The following PPP1R18 variants were observed in gnomAD, a reference collection of about 807,000 sequenced individuals.
PPP1R18 encodes protein phosphatase 1 regulatory subunit 18.
In PPP1R18, 31 loss-of-function variants were observed where a neutral mutation model predicts 54.8. That is an observed-to-expected ratio of 0.57 (90% CI 0.43 to 0.76). The LOEUF is 0.76. PPP1R18 is among the 30% of genes least tolerant of loss of function. The pLI is 0.00. For missense variants in PPP1R18, 685 were observed against 776.1 expected (o/e 0.88, Z 1.39); for synonymous variants, 310 against 320.2 (o/e 0.97, Z 0.34).
intron 1 of PPP1R18, among the ~76,000 whole-genome samples, chr6:30,680,365 A>G (rs1010176436): frequency 6.6e-6 from 1 of 152,134 alleles, no homozygotes; most frequent in African/African-American, 2.4e-5. Context: ...CAGCAGGAGG[A>G]TTCCATATGA....
upstream of PPP1R18, chr6:30,688,278 T>C: frequency 4.3e-6 from 1 of 235,148 alleles, no homozygotes; most frequent in Non-Finnish European, 8.4e-6. This position sits in a 1 kb window ranked among gnomAD's most constrained non-coding sequence, Gnocchi z 5.9. Context: ...TCCACCTTCT[T>C]GGAGTGGAAG....
At chr6:30,686,765 G>C (rs1770988793), upstream of PPP1R18, 1 of 148,398 alleles carries the variant, frequency 6.7e-6, no homozygotes, top group African/African-American at 2.5e-5. Context: ...CCACCCCCGA[G>C]ACTTTCGGAA....
chr6:30,684,428 G>C lies in PPP1R18; in HGVS notation c.1591C>G (p.Pro531Ala). The change falls in exon 1 of 3, where the codon CCC becomes GCC. Residue 531 changes from proline to alanine, a missense_variant. Transcript: ENST00000274853. The surrounding 1 kb of genome is among the most constrained non-coding windows in gnomAD (Gnocchi z 6.0). ...LSRSCLAKGS[P>A]ERHHKQLKIS... ...CCTACCTGTTTGTGGTGTCTTTCGGGGGACCCCTTGGCAAGGCAGCTGCGG... is the reference window on the plus strand; with the variant it reads ...CCTACCTGTTTGTGGTGTCTTTCGGCGGACCCCTTGGCAAGGCAGCTGCGG... 6.3e-7 allele frequency: 1 copy of C among 1,578,782 alleles called. No individual in the cohort carries two copies. Among genetic ancestry groups the C allele is most frequent in the Non-Finnish European group, 8.6e-7 (1 of 1,159,956 alleles).
chr6:30,676,976 C>T lies in PPP1R18; in HGVS notation c.*293G>A. ...ACCCTGCCATGGGGGGCAGGTGCTC[C>T]ATCTCCACCCTCCAGGGAGTTCTGT... On this transcript the variant is annotated 3_prime_UTR_variant, in exon 3 of 3. Coordinates refer to ENST00000274853, the MANE Select transcript of PPP1R18 (RefSeq NM_133471.4). 1 of 565,674 alleles carries T rather than the reference C, an allele frequency of 1.8e-6. No individual in the cohort carries two copies. The highest frequency in any genetic ancestry group is 2.0e-5 in the South Asian group (1 of 49,398). The allele number at this position is 565,674 out of a possible 1,614,324, so 35.0% of individuals were successfully genotyped here. A position where few individuals can be genotyped will look rare whatever the true frequency, so the allele number is the denominator to read the frequency against.
chr6:30,687,669 CTTTGT>C (rs1304504392), upstream of PPP1R18: 1 of 152,490 alleles, frequency 6.6e-6, no homozygotes. This position sits in a 1 kb window ranked among gnomAD's most constrained non-coding sequence, Gnocchi z 7.9. Context: ...CTCTGAAGTC[CTTTGT>C]TTTGCGGGGT....
In PPP1R18 at chr6:30,685,362, C is replaced by T. The variant is rs1770839775; in HGVS notation, c.657G>A (p.Val219=). ...ATTCCCCTGGGCTCAGTCTACTTTCCACCTCTTTTCTCCTGGGGCTTTGCT... is the reference window on the plus strand; with the variant it reads ...ATTCCCCTGGGCTCAGTCTACTTTCTACCTCTTTTCTCCTGGGGCTTTGCT... ...SREQSPRRKE[V]ESRLSPGESA... The change falls in exon 1 of 3, where the codon GTG becomes GTA. Residue 219 remains valine, a synonymous_variant. Transcript: ENST00000274853. This position sits in a 1 kb window ranked among gnomAD's most constrained non-coding sequence, Gnocchi z 5.0. The T allele has an allele frequency of 6.2e-7, 1 of 1,612,968 alleles. No homozygotes were observed. The highest frequency in any genetic ancestry group is 1.7e-5 in the Admixed American group (1 of 60,010).
rs1009274532 is a variant in PPP1R18 at position 30,677,174 on chromosome 6, G to A, written c.*95C>T. The A allele has an allele frequency of 8.3e-7, 1 of 1,205,720 alleles. No individual in the cohort carries two copies. Among genetic ancestry groups the A allele is most frequent in the Non-Finnish European group, 1.2e-6 (1 of 808,808 alleles). The allele number at this position is 1,205,720 out of a possible 1,614,324, so 74.7% of individuals were successfully genotyped here. A position where few individuals can be genotyped will look rare whatever the true frequency, so the allele number is the denominator to read the frequency against. On this transcript the variant is annotated 3_prime_UTR_variant, in exon 3 of 3. Transcript: ENST00000274853. ...AGATGTTGGTTGCCCTTCCCTGCCA[G>A]GCTCATTATCAGGGTCTGTCTGCCC...
intron 1 of PPP1R18, among the ~76,000 whole-genome samples, chr6:30,682,673 A>AGGCCCAG (rs949036584): frequency 6.8e-6 from 1 of 147,568 alleles, no homozygotes; most frequent in Admixed American, 6.9e-5. Flanking sequence ...CAGATCTGGC[A>AGGCCCAG]GGCCCAGGGC....
chr6:30,682,243 G>A (rs1177215847), intron 1 of PPP1R18, among the ~76,000 whole-genome samples: 1 of 152,070 alleles, frequency 6.6e-6, no homozygotes, highest in African/African-American at 2.4e-5. Context: ...GGGGTAGAGA[G>A]GGGGTGACTC....
At chr6:30,681,054 C>T (rs992904099) in intron 1 of PPP1R18, among the ~76,000 whole-genome samples, 2 of 146,232 alleles carry the variant, frequency 1.4e-5, no homozygotes, top group African/African-American at 2.6e-5. Flanking sequence ...CACTGCTCTA[C>T]GGCTTGGGCA....
rs1770244148 is a variant in PPP1R18, at chr6:30,677,228, T to G, written c.*41A>C. 3 of 1,585,070 alleles carry G rather than the reference T, an allele frequency of 1.9e-6. No homozygotes were observed. Among genetic ancestry groups the G allele is most frequent in the Non-Finnish European group, 2.6e-6 (3 of 1,156,392 alleles). Reference sequence around the variant, plus strand: ...ATCTTCCGGGCTCCAGGATCTTCAGTTATAAGAAGGAGGGAGGTATATCCC... The same window carrying G: ...ATCTTCCGGGCTCCAGGATCTTCAGGTATAAGAAGGAGGGAGGTATATCCC... On this transcript the variant is annotated 3_prime_UTR_variant, in exon 3 of 3. Coordinates refer to ENST00000274853, the MANE Select transcript of PPP1R18 (RefSeq NM_133471.4).
rs2127614361 is a variant in PPP1R18, at chr6:30,685,161, CCCTGGAACTGGCCACT to C, written c.842_857del (p.Glu281GlyfsTer2). 1 of 1,613,082 alleles carries C rather than the reference CCCTGGAACTGGCCACT, an allele frequency of 6.2e-7. No individual in the cohort carries two copies. Among genetic ancestry groups the C allele is most frequent in the Admixed American group, 1.7e-5 (1 of 60,022 alleles). The stretch of plus-strand genomic sequence containing the variant: ...GCTCTGCAGTCTCTTTTGGAGCTAC[CCCTGGAACTGGCCACT>C]CTTCTTTTCTCCCACATTCTTCCGA... On this transcript the variant is annotated frameshift_variant, in exon 1 of 3. Transcript: ENST00000274853. LOFTEE classifies it high-confidence loss of function. This position sits in a 1 kb window ranked among gnomAD's most constrained non-coding sequence, Gnocchi z 5.0.
At chr6:30,687,288 G>C (rs1348811112), upstream of PPP1R18, 1 of 153,296 alleles carries the variant, frequency 6.5e-6, no homozygotes, top group African/African-American at 2.4e-5. This position sits in a 1 kb window ranked among gnomAD's most constrained non-coding sequence, Gnocchi z 7.9. Flanking sequence ...CCAGGGGGCC[G>C]GGCGGGGGCG....
chr6:30,680,677 A>G (rs745315544), intron 1 of PPP1R18, among the ~76,000 whole-genome samples: 3 of 152,054 alleles, frequency 2.0e-5, no homozygotes, highest in Non-Finnish European at 4.4e-5. Flanking sequence ...AGAAAAAAAA[A>G]GAAAACCAGA....
chr6:30,688,251 G>A, upstream of PPP1R18: 2 of 212,714 alleles, frequency 9.4e-6, no homozygotes, highest in South Asian at 7.7e-5. This position sits in a 1 kb window ranked among gnomAD's most constrained non-coding sequence, Gnocchi z 5.9. Flanking sequence ...TATGACCGTT[G>A]AACTTGCAGA....
intron 1 of PPP1R18, among the ~76,000 whole-genome samples, chr6:30,681,633 G>A (rs1420126253): frequency 1.1e-4 from 17 of 152,060 alleles, no homozygotes; most frequent in African/African-American, 4.1e-4. Context: ...GTATGGTGGC[G>A]TGCGCCTGTA....
Position 30,677,082 on chromosome 6 carries a change from T to C in PPP1R18, c.*187A>G. 1.4e-6 allele frequency: 1 copy of C among 714,160 alleles called. No homozygotes were observed. The highest frequency in any genetic ancestry group is 2.6e-6 in the Non-Finnish European group (1 of 389,698). 44.2% of individuals were successfully genotyped at this position (714,160 alleles called of 1,614,324 possible). On this transcript the variant is annotated 3_prime_UTR_variant, in exon 3 of 3. Coordinates refer to ENST00000274853, the MANE Select transcript of PPP1R18 (RefSeq NM_133471.4). ...TTTAACCCCACCCACACCAGGGACTTTGGATTAGGGTAGAAATTGGGCAAT... is the reference window on the plus strand; with the variant it reads ...TTTAACCCCACCCACACCAGGGACTCTGGATTAGGGTAGAAATTGGGCAAT...
At position 30,684,249 on chromosome 6, in the gene PPP1R18, G is replaced by C. The variant is rs1488442326; in HGVS notation, c.1611+159C>G. On this transcript the variant is annotated intron_variant, in intron 1 of 2. Transcript: ENST00000274853. This position sits in a 1 kb window ranked among gnomAD's most constrained non-coding sequence, Gnocchi z 6.0. ...AAATGGAAAAGGAGGGCTCTGAGAA[G>C]GAAGGGTGTATGTGCAGAGCGAGGA... Among the ~76,000 whole-genome samples, 1 of 152,228 alleles carries C rather than the reference G, an allele frequency of 6.6e-6. No homozygotes were observed. The highest frequency in any genetic ancestry group is 1.5e-5 in the Non-Finnish European group (1 of 68,034).
chr6:30,679,215 G>C lies in PPP1R18; in HGVS notation c.1786C>G (p.Leu596Val). 6.3e-7 allele frequency: 1 copy of C among 1,587,224 alleles called. No individual in the cohort carries two copies. ...EEELLLLQPE[L>V]QGGLRTKALI... ...GCCTTGGTGCGCAGCCCGCCCTGGA[G>C]CTCTGGCTGCAGCAGCAGCAGCTCT... The change falls in exon 2 of 3, where the codon CTC becomes GTC. Residue 596 changes from leucine to valine, a missense_variant. Leu to Val is a conservative substitution (Grantham distance 32). Coordinates refer to ENST00000274853, the MANE Select transcript of PPP1R18 (RefSeq NM_133471.4).
Sources: gnomAD v4.1 joint callset for allele counts (sites outside exome capture counted in the v4.1 genomes callset) on GRCh38, gnomAD v4.1.1 for gene constraint, Gnocchi (gnomAD v3.1) non-coding constraint, MANE v1.5 for transcripts, NCBI Gene and HGNC (gene_info 2026-07-23, HGNC 2026-07-21) for gene names.